NEK11: variants seen among roughly 807,000 people sequenced by gnomAD.
NEK11 encodes the protein serine/threonine-protein kinase Nek11.
NEK11 carries 72 observed loss-of-function variants against 80.7 expected under a neutral mutation model. The observed-to-expected ratio is 0.89, with a 90% CI of 0.74 to 1.08. NEK11 has a LOEUF of 1.08. Among genes scored for constraint, NEK11 ranks in the 50% least tolerant of loss-of-function variants. The probability of loss-of-function intolerance (pLI) is 0.00; values close to 1 mark genes in which losing one functional copy is unlikely to be tolerated. For synonymous variants in NEK11, 251 were observed against 260.7 expected (o/e 0.96, Z 0.36); for missense variants, 764 against 763.6 (o/e 1.00, Z -0.01).
intron 4 of NEK11, among the ~76,000 whole-genome samples, chr3:131,105,826 T>C (rs540235829): frequency 1.3e-5 from 2 of 152,308 alleles, no homozygotes; most frequent in Non-Finnish European, 2.9e-5. Flanking sequence ...CTTTCTAATA[T>C]CCAGTCAGTT....
chr3:131,082,446 GTCAGCACTA>G (rs2075404444), intron 4 of NEK11, among the ~76,000 whole-genome samples: 1 of 152,142 alleles, frequency 6.6e-6, no homozygotes, highest in Admixed American at 6.5e-5. Context: ...TTAAACTGTA[GTCAGCACTA>G]TTTCACAGAA....
At chr3:131,182,662 GTTC>G (rs1250267990) in intron 14 of NEK11, among the ~76,000 whole-genome samples, 7 of 152,268 alleles carry the variant, frequency 4.6e-5, no homozygotes, top group South Asian at 2.1e-4. Context: ...ATTAATGGGA[GTTC>G]TTCTTACTAT....
At chr3:131,208,869 G>T (rs1037651328) in intron 14 of NEK11, among the ~76,000 whole-genome samples, 7 of 152,226 alleles carry the variant, frequency 4.6e-5, no homozygotes, top group Non-Finnish European at 7.3e-5. Flanking sequence ...TTTGGGCTGA[G>T]ACGATGGGGT....
chr3:131,333,373 C>A (rs1467374504), intron 17 of NEK11, among the ~76,000 whole-genome samples: 1 of 152,116 alleles, frequency 6.6e-6, no homozygotes, highest in African/African-American at 2.4e-5. Flanking sequence ...AACCAAGCTT[C>A]ATAAGTGGAG....
At chr3:131,163,401 A>C (rs2091871071) in intron 11 of NEK11, among the ~76,000 whole-genome samples, 1 of 152,334 alleles carries the variant, frequency 6.6e-6, no homozygotes, top group East Asian at 1.9e-4. Flanking sequence ...ATGGAGTACT[A>C]TTTAGCCTTA....
chr3:131,063,213 G>A (rs2148831514), intron 3 of NEK11, among the ~76,000 whole-genome samples: 1 of 152,108 alleles, frequency 6.6e-6, no homozygotes, highest in Middle Eastern at 3.4e-3. Flanking sequence ...TTTATAGAGA[G>A]GGGGTCTCAC....
chr3:131,342,087 G>A (rs2097295384), intron 17 of NEK11, among the ~76,000 whole-genome samples: 1 of 152,144 alleles, frequency 6.6e-6, no homozygotes, highest in South Asian at 2.1e-4. Flanking sequence ...TGAGAAAGAG[G>A]GAAGTGCCAT....
intron 17 of NEK11, among the ~76,000 whole-genome samples, chr3:131,321,898 A>G (rs890492937): frequency 6.6e-6 from 1 of 152,214 alleles, no homozygotes; most frequent in African/African-American, 2.4e-5. Context: ...GTGGGAATGT[A>G]AATTAGTTCA....
chr3:131,339,466 C>T (rs189530347), intron 17 of NEK11, among the ~76,000 whole-genome samples: 4 of 152,182 alleles, frequency 2.6e-5, no homozygotes, highest in Non-Finnish European at 4.4e-5. Context: ...GAGTGTCTAA[C>T]GGGGCTTCGG....
chr3:131,130,838 G>T (rs568042079), intron 5 of NEK11, among the ~76,000 whole-genome samples: 3 of 152,268 alleles, frequency 2.0e-5, no homozygotes, highest in Admixed American at 1.3e-4. Context: ...ATCTCGCTCT[G>T]TCACCCAGGC....
intron 17 of NEK11, chr3:131,325,327 C>CTTAAAGTGTAAAGACATAG (rs2096950163): frequency 6.6e-6 from 1 of 151,934 alleles, no homozygotes. Flanking sequence ...TAAAGACATA[C>CTTAAAGTGTAAAGACATAG]AAAACAGTAC....
At position 131,246,877 on chromosome 3, in the gene NEK11, AT is replaced by A. The variant is rs200080473; in HGVS notation, c.1621+3387del. 1.5e-3 allele frequency among the ~76,000 whole-genome samples: 222 copies of A among 151,908 alleles called. No individual in the cohort carries two copies. In the East Asian group the frequency reaches 0.027, roughly 18 times the overall value. On this transcript the variant is annotated intron_variant, in intron 16 of 17. Coordinates refer to ENST00000383366, the MANE Select transcript of NEK11 (RefSeq NM_024800.5). ...TCCCTGATACTTAGTGATGTTGAGC[AT>A]TTTTTCATATGCTTGTTGGCCATTT...
At chr3:131,225,252 C>T (rs562549425) in intron 14 of NEK11, among the ~76,000 whole-genome samples, 1 of 152,278 alleles carries the variant, frequency 6.6e-6, no homozygotes, top group South Asian at 2.1e-4. Context: ...CTACAGTATT[C>T]AGTGTAGTAA....
At chr3:131,275,674 G>T (rs922978311) in intron 17 of NEK11, among the ~76,000 whole-genome samples, 9 of 152,148 alleles carry the variant, frequency 5.9e-5, no homozygotes, top group Admixed American at 3.9e-4. Context: ...CTGCAAATCT[G>T]CATGTCTTTT....
chr3:131,182,217 A>G (rs1446474751), intron 14 of NEK11, among the ~76,000 whole-genome samples: 1 of 151,870 alleles, frequency 6.6e-6, no homozygotes, highest in Non-Finnish European at 1.5e-5. Flanking sequence ...TTTTTCACTC[A>G]TCAGTAACAA....
chr3:131,104,525 G>A (rs2078883583), intron 4 of NEK11, among the ~76,000 whole-genome samples: 1 of 152,090 alleles, frequency 6.6e-6, no homozygotes, highest in Non-Finnish European at 1.5e-5. Flanking sequence ...AGTTGCCTCT[G>A]GGAGCTCCAT....
intron 17 of NEK11, among the ~76,000 whole-genome samples, chr3:131,327,902 A>G (rs2096998191): frequency 6.6e-6 from 1 of 151,684 alleles, no homozygotes; most frequent in Non-Finnish European, 1.5e-5. Flanking sequence ...AAATTACCTT[A>G]TTTGTTTACT....
In NEK11 at chr3:131,145,658, C is replaced by T. The variant is rs969625324; in HGVS notation, c.648-6730C>T. Among the ~76,000 whole-genome samples the T allele has an allele frequency of 6.6e-5, 10 of 152,188 alleles. No homozygotes were observed. In the South Asian group the frequency reaches 1.7e-3, roughly 25 times the overall value. ...TGATTTCCAACTCAAGAGAGACTTT[C>T]GTGATCCAAAAGGCTCTGATTGGTG... On this transcript the variant is annotated intron_variant, in intron 7 of 17. Transcript: ENST00000383366.
intron 14 of NEK11, among the ~76,000 whole-genome samples, chr3:131,207,966 T>G (rs1287545045): frequency 6.6e-6 from 1 of 152,258 alleles, no homozygotes; most frequent in African/African-American, 2.4e-5. Context: ...GCTCTTTAGT[T>G]TAATTCGATC....
Sources: gnomAD v4.1 joint callset for allele counts (sites outside exome capture counted in the v4.1 genomes callset) on GRCh38, gnomAD v4.1.1 for gene constraint, MANE v1.5 for transcripts, NCBI Gene and HGNC (gene_info 2026-07-23, HGNC 2026-07-21) for gene names.